DCDC2C: variants seen among roughly 807,000 people sequenced by gnomAD.
DCDC2C encodes the protein doublecortin domain-containing protein 2C.
Under a neutral mutation model 45.0 loss-of-function variants are expected in DCDC2C, and 44 were observed. That is an observed-to-expected ratio of 0.98 (90% CI 0.77 to 1.26). DCDC2C has a LOEUF of 1.26. DCDC2C is among the 50% of genes most tolerant of loss of function. The pLI is 0.00. For missense variants in DCDC2C, 447 were observed against 468.9 expected (o/e 0.95, Z 0.43); for synonymous variants, 187 against 178.8 (o/e 1.05, Z -0.37).
At chr2:3,723,138 ATTCG>A (rs1034238734) in intron 2 of DCDC2C, among the ~76,000 whole-genome samples, 4 of 152,158 alleles carry the variant, frequency 2.6e-5, no homozygotes, top group Admixed American at 1.3e-4. Context: ...CTCATCCATT[ATTCG>A]TTTGTCTTCA....
chr2:3,706,763 A>G (rs1668074125), intron 1 of DCDC2C, among the ~76,000 whole-genome samples: 1 of 152,226 alleles, frequency 6.6e-6, no homozygotes, highest in South Asian at 2.1e-4. Context: ...ATGACAGGAG[A>G]AAGAGGAAAA....
chr2:3,742,170 A>T, intron 4 of DCDC2C, 122 bp downstream of exon 4: 1 of 1,163,798 alleles, frequency 8.6e-7, no homozygotes, highest in Non-Finnish European at 1.2e-6. Flanking sequence ...CTTAATTTTA[A>T]TTCTTCAAGC....
intron 10 of DCDC2C, among the ~76,000 whole-genome samples, chr2:3,812,051 T>C (rs1299145662): frequency 6.6e-6 from 1 of 152,170 alleles, no homozygotes; most frequent in African/African-American, 2.4e-5. Context: ...CTTTTTTTGT[T>C]GTGTCTCTTC....
At chr2:3,813,061 ATATATATT>A (rs1412490227) in intron 10 of DCDC2C, among the ~76,000 whole-genome samples, 755 of 28,680 alleles carry the variant, frequency 0.026, 24 homozygotes, top group East Asian at 0.14. Context: ...ATATATATAT[ATATATATT>A]TTTTTTTTTT....
At chr2:3,764,254 T>A (rs1669959297) in intron 6 of DCDC2C, among the ~76,000 whole-genome samples, 1 of 152,260 alleles carries the variant, frequency 6.6e-6, no homozygotes, top group Non-Finnish European at 1.5e-5. Flanking sequence ...GGATTGGGTA[T>A]GATTCAATTT....
Position 3,841,315 on chromosome 2 carries a change from G to A in DCDC2C, c.1066-5839G>A, listed in dbSNP as rs1037719010. The stretch of plus-strand genomic sequence containing the variant: ...GCACGGCAAGGAACGTCTCGTAGAT[G>A]ATTGGATTTAAAAGGCAAGGTGAAC... On this transcript the variant is annotated intron_variant, in intron 10 of 10. Transcript: ENST00000399143. Among the ~76,000 whole-genome samples the A allele has an allele frequency of 2.7e-5, 4 of 149,440 alleles. No individual in the cohort carries two copies. In the South Asian group the frequency reaches 8.5e-4, roughly 32 times the overall value.
At chr2:3,826,401 A>G (rs887059558) in intron 10 of DCDC2C, among the ~76,000 whole-genome samples, 1 of 152,248 alleles carries the variant, frequency 6.6e-6, no homozygotes, top group Non-Finnish European at 1.5e-5. Flanking sequence ...TTAGCCATAA[A>G]GAGAAGAAAA....
At chr2:3,742,546 C>G (rs1028905424) in intron 4 of DCDC2C, among the ~76,000 whole-genome samples, 1 of 150,544 alleles carries the variant, frequency 6.6e-6, no homozygotes, top group Non-Finnish European at 1.5e-5. Context: ...TGGAGCAAAT[C>G]TCCTCTCCGC....
chr2:3,767,996 C>T (rs1443058533), intron 7 of DCDC2C, 116 bp downstream of exon 7: 5 of 1,144,666 alleles, frequency 4.4e-6, no homozygotes, highest in Non-Finnish European at 5.8e-6. Flanking sequence ...TGACTTGTAA[C>T]TATCTGCTTT....
intron 10 of DCDC2C, 120 bp from the exon 11 acceptor site, chr2:3,847,034 A>G (rs957886417): frequency 2.0e-6 from 1 of 509,986 alleles, no homozygotes; most frequent in Non-Finnish European, 3.0e-6. Context: ...CCTCCCAGGA[A>G]CAACACCCAG....
chr2:3,808,638 C>T (rs1271756142), intron 10 of DCDC2C, among the ~76,000 whole-genome samples: 1 of 152,206 alleles, frequency 6.6e-6, no homozygotes, highest in Non-Finnish European at 1.5e-5. Context: ...GATCTGCCTG[C>T]CTCGGCCTCC....
chr2:3,769,574 A>T (rs1670110518), intron 8 of DCDC2C, among the ~76,000 whole-genome samples, 163 bp downstream of exon 8: 1 of 152,172 alleles, frequency 6.6e-6, no homozygotes, highest in Non-Finnish European at 1.5e-5. Context: ...TCCTGTGTTA[A>T]GCATTTTCCT....
chr2:3,727,066 T>A lies in DCDC2C; in HGVS notation c.403T>A (p.Ser135Thr), dbSNP rs934858720. Residue 135 changes from serine (S) to threonine (T), a missense_variant, in exon 3 of 11, where the codon TCT becomes ACT. Ser to Thr is a moderately conservative substitution (Grantham distance 58, BLOSUM62 1). Coordinates refer to ENST00000399143, the MANE Select transcript of DCDC2C (RefSeq NM_001287444.2). ...PSKWQTYHRI[S>T]RHINVFTNGR... ...CAAGTGGCAAACATATCATCGTATATCTCGACATATAAAGTGAGTATAATA... is the reference window on the plus strand; with the variant it reads ...CAAGTGGCAAACATATCATCGTATAACTCGACATATAAAGTGAGTATAATA... The A allele has an allele frequency of 6.3e-5, 97 of 1,549,612 alleles. No individual in the cohort carries two copies. The highest frequency in any genetic ancestry group is 1.7e-4 in the Middle Eastern group (1 of 6,014).
At chr2:3,765,267 T>G (rs550551405) in intron 6 of DCDC2C, among the ~76,000 whole-genome samples, 2 of 152,342 alleles carry the variant, frequency 1.3e-5, no homozygotes, top group South Asian at 4.1e-4. Context: ...GAGCAACTAT[T>G]ATGCTTGCTG....
At position 3,748,964 on chromosome 2, in the gene DCDC2C, C is replaced by A. The variant is rs1388314400; in HGVS notation, c.546-3799C>A. ...GACCCTGCATCCAGAGATTTTGAAG[C>A]CTTAGCTGAAAATCACATCTATCTT... On this transcript the variant is annotated intron_variant, in intron 4 of 10. Coordinates refer to ENST00000399143, the MANE Select transcript of DCDC2C (RefSeq NM_001287444.2). Among the ~76,000 whole-genome samples the A allele has an allele frequency of 2.6e-5, 4 of 152,276 alleles. No homozygotes were observed. In the South Asian group the frequency reaches 8.3e-4, roughly 32 times the overall value.
At chr2:3,789,713 A>C (rs11886534) in intron 10 of DCDC2C, among the ~76,000 whole-genome samples, 10 of 152,088 alleles carry the variant, frequency 6.6e-5, no homozygotes, top group African/African-American at 2.4e-4. Context: ...TTTCCTGTCC[A>C]GGGGTACTGA....
At chr2:3,837,839 A>C (rs963602523) in intron 10 of DCDC2C, among the ~76,000 whole-genome samples, 1 of 152,120 alleles carries the variant, frequency 6.6e-6, no homozygotes, top group African/African-American at 2.4e-5. Flanking sequence ...CTATGCAGGA[A>C]CAGGACAGCC....
At chr2:3,823,324 G>C (rs528064410) in intron 10 of DCDC2C, among the ~76,000 whole-genome samples, 1 of 151,350 alleles carries the variant, frequency 6.6e-6, no homozygotes, top group Admixed American at 6.6e-5. Context: ...ACGTCATTCC[G>C]TTGTGTTCAG....
At chr2:3,805,233 G>A (rs1368080126) in intron 10 of DCDC2C, among the ~76,000 whole-genome samples, 4 of 152,190 alleles carry the variant, frequency 2.6e-5, no homozygotes, top group Admixed American at 2.0e-4. Flanking sequence ...AATTTAGGGC[G>A]AACCATGGAG....
Sources: allele counts gnomAD v4.1 joint callset (sites outside exome capture counted in the v4.1 genomes callset), GRCh38; gene constraint gnomAD v4.1.1; transcripts MANE v1.5; gene names NCBI Gene and HGNC (gene_info 2026-07-23, HGNC 2026-07-21).